The following SBF2 variants were observed in gnomAD, a reference collection of about 807,000 sequenced individuals.
The protein encoded by SBF2 is SET binding factor 2, also known as myotubularin-related protein 13.
Under a neutral mutation model 225.2 loss-of-function variants are expected in SBF2, and 112 were observed. The ratio of observed to expected loss-of-function variants is 0.50; its 90% CI spans 0.43 to 0.58. SBF2 has a LOEUF of 0.58. SBF2 is among the 20% of genes least tolerant of loss of function. SBF2 has a pLI of 0.00. For missense variants in SBF2, 1,996 were observed against 2,206.2 expected (o/e 0.90, Z 1.91); for synonymous variants, 763 against 773.3 (o/e 0.99, Z 0.22).
At chr11:9,912,293 T>C (rs1240725136) in intron 16 of SBF2, among the ~76,000 whole-genome samples, 2 of 135,756 alleles carry the variant, frequency 1.5e-5, no homozygotes, top group Non-Finnish European at 1.6e-5. Context: ...TAAATTTTTT[T>C]TGTTATTTTT....
intron 16 of SBF2, among the ~76,000 whole-genome samples, chr11:9,946,867 GA>G (rs1382101680): frequency 6.6e-6 from 1 of 152,196 alleles, no homozygotes; most frequent in Admixed American, 6.5e-5. Context: ...AGAATATTTG[GA>G]AATTACTGTG....
chr11:10,175,709 A>C (rs1956433759), intron 2 of SBF2, among the ~76,000 whole-genome samples: 1 of 151,420 alleles, frequency 6.6e-6, no homozygotes, highest in African/African-American at 2.4e-5. Context: ...CAGAATAGAC[A>C]TTTTTTTCAG....
intron 2 of SBF2, among the ~76,000 whole-genome samples, chr11:10,157,113 G>A (rs1044170232): frequency 6.6e-6 from 1 of 152,026 alleles, no homozygotes; most frequent in South Asian, 2.1e-4. Flanking sequence ...AAATAAGACT[G>A]CACACCTACA....
Position 10,111,893 on chromosome 11 carries a change from ATTAAC to A in SBF2, c.142-68917_142-68913del, listed in dbSNP as rs1221430522. 8.5e-5 allele frequency among the ~76,000 whole-genome samples: 13 copies of A among 152,346 alleles called. No individual in the cohort carries two copies. The East Asian group carries it at 2.5e-3, about 29-fold the overall frequency. ...CTCAGTCTCAAAAAAACCAAAAAAA[ATTAAC>A]TTAGAGTTCTGTTAGAGATGTTTTG... is the stretch of plus-strand genomic sequence containing the variant. On this transcript the variant is annotated intron_variant, in intron 2 of 39. Transcript: ENST00000256190.
chr11:10,230,051 C>T (rs1357814387), intron 1 of SBF2, among the ~76,000 whole-genome samples: 3 of 152,052 alleles, frequency 2.0e-5, no homozygotes, highest in African/African-American at 4.8e-5. Context: ...TGAATTGATC[C>T]CTTTACCATT....
At chr11:10,013,584 G>C (rs998872017) in intron 6 of SBF2, among the ~76,000 whole-genome samples, 4 of 152,178 alleles carry the variant, frequency 2.6e-5, no homozygotes, top group Admixed American at 2.6e-4. Context: ...TCTTTGTACT[G>C]TCTTTGGTGA....
chr11:9,794,157 G>T (rs1160165011), intron 33 of SBF2, among the ~76,000 whole-genome samples: 2 of 151,448 alleles, frequency 1.3e-5, no homozygotes, highest in African/African-American at 4.9e-5. Flanking sequence ...ACTCCAGCCG[G>T]GGAGACAGAG....
At position 9,968,383 on chromosome 11, in the gene SBF2, G is replaced by C. The variant is rs773438707; in HGVS notation, c.1558C>G (p.Arg520Gly). The C allele has an allele frequency of 5.6e-6, 9 of 1,614,046 alleles. No individual in the cohort carries two copies. The South Asian group carries it at 6.6e-5, about 12-fold the overall frequency. Residue 520 changes from arginine (R) to glycine (G), a missense_variant, in exon 14 of 40, where the codon CGA (arginine) becomes GGA (glycine). Transcript: ENST00000256190. ...AKNQNAPPAT[R>G]IEKKCVVPAG... ...GGCACAACACATTTCTTTTCTATTCGTGTGGCAGGAGGTGCATTCTGGTTC... is the reference window on the plus strand; with the variant it reads ...GGCACAACACATTTCTTTTCTATTCCTGTGGCAGGAGGTGCATTCTGGTTC...
At chr11:10,236,534 G>A (rs936007686) in intron 1 of SBF2, among the ~76,000 whole-genome samples, 15 of 152,058 alleles carry the variant, frequency 9.9e-5, no homozygotes, top group African/African-American at 2.7e-4. Context: ...ATCTCAGCTC[G>A]CTGCAACCTC....
At chr11:10,188,798 C>T (rs1406026908) in intron 2 of SBF2, among the ~76,000 whole-genome samples, 3 of 152,162 alleles carry the variant, frequency 2.0e-5, no homozygotes, top group Non-Finnish European at 4.4e-5. Context: ...GGAGTGGGTA[C>T]CAAAAATATG....
intron 1 of SBF2, among the ~76,000 whole-genome samples, chr11:10,279,429 A>AG (rs34465130): frequency 5.3e-5 from 8 of 151,524 alleles, no homozygotes; most frequent in Non-Finnish European, 8.8e-5. Context: ...AAAAAAAAAA[A>AG]GTTATTTCAA....
At position 9,805,831 on chromosome 11, in the gene SBF2, C is replaced by T. The variant is rs148652355; in HGVS notation, c.4443+2169G>A. On this transcript the variant is annotated intron_variant, in intron 32 of 39. Coordinates refer to ENST00000256190, the MANE Select transcript of SBF2 (RefSeq NM_030962.4). ...TAGAGATGGGGTTTCACCATGTTGG[C>T]CAGGATGGTTTTGATCTCTTACCTC... Among the ~76,000 whole-genome samples, 724 of 152,192 alleles carry T rather than the reference C, an allele frequency of 4.8e-3. 4 individuals carry two copies. Among genetic ancestry groups the T allele is most frequent in the African/African-American group, 0.017 (691 of 41,524 alleles).
chr11:10,260,546 C>G (rs918711819), intron 1 of SBF2, among the ~76,000 whole-genome samples: 5 of 151,992 alleles, frequency 3.3e-5, no homozygotes, highest in African/African-American at 1.2e-4. Context: ...GAAACCCCCT[C>G]TCTACTAAAA....
chr11:10,098,875 A>C (rs551685772), intron 2 of SBF2, among the ~76,000 whole-genome samples: 2 of 152,220 alleles, frequency 1.3e-5, no homozygotes, highest in Admixed American at 1.3e-4. Context: ...AGAATGAAAA[A>C]GAGTGAGGAA....
At chr11:10,086,301 A>C (rs976281528) in intron 2 of SBF2, among the ~76,000 whole-genome samples, 2 of 152,034 alleles carry the variant, frequency 1.3e-5, no homozygotes, top group African/African-American at 4.8e-5. Context: ...CTATCATGCC[A>C]TCCTGATTTG....
rs1318731994 is a variant in SBF2 at position 10,002,795 on chromosome 11, TCTGAAGGAA to T, written c.620-115_620-107del. Reference sequence around the variant, plus strand: ...AGAAAAAGCCAGTAATTTTGGACTCTCTGAAGGAAAATACTTGGTTAAACTGTAAATTCC... The same window carrying T: ...AGAAAAAGCCAGTAATTTTGGACTCTAATACTTGGTTAAACTGTAAATTCC... On this transcript the variant is annotated intron_variant, in intron 6 of 39. Coordinates refer to ENST00000256190, the MANE Select transcript of SBF2 (RefSeq NM_030962.4). 5 of 1,035,086 alleles carry T rather than the reference TCTGAAGGAA, an allele frequency of 4.8e-6. No individual in the cohort carries two copies. In the African/African-American group the frequency reaches 8.0e-5, roughly 17 times the overall value. The allele number at this position is 1,035,086 out of a possible 1,614,324, so 64.1% of individuals were successfully genotyped here. A position where few individuals can be genotyped will look rare whatever the true frequency, so the allele number is the denominator to read the frequency against.
At chr11:10,128,284 A>G (rs1953857665) in intron 2 of SBF2, among the ~76,000 whole-genome samples, 1 of 152,242 alleles carries the variant, frequency 6.6e-6, no homozygotes, top group Non-Finnish European at 1.5e-5. Context: ...CTACTACCAT[A>G]TAGAGAGCAC....
intron 1 of SBF2, among the ~76,000 whole-genome samples, chr11:10,226,502 C>T (rs1200908868): frequency 6.7e-6 from 1 of 149,762 alleles, no homozygotes; most frequent in Non-Finnish European, 1.5e-5. Context: ...ACAACAGGCC[C>T]GGGTGTGTGA....
At chr11:10,231,760 C>G (rs1050578695) in intron 1 of SBF2, among the ~76,000 whole-genome samples, 1 of 152,194 alleles carries the variant, frequency 6.6e-6, no homozygotes, top group Non-Finnish European at 1.5e-5. Context: ...GGGTCAGGGA[C>G]CCACTTGAGG....
Sources: allele counts gnomAD v4.1 joint callset (sites outside exome capture counted in the v4.1 genomes callset), GRCh38; gene constraint gnomAD v4.1.1; transcripts MANE v1.5; gene names NCBI Gene and HGNC (gene_info 2026-07-23, HGNC 2026-07-21).